ADAMTSL3: variants seen among roughly 807,000 people sequenced by gnomAD.
The protein encoded by ADAMTSL3 is ADAMTS like 3.
Under a neutral mutation model 201.7 loss-of-function variants are expected in ADAMTSL3, and 128 were observed. The ratio of observed to expected loss-of-function variants is 0.63; its 90% CI spans 0.55 to 0.73. ADAMTSL3 has a LOEUF of 0.73. Among genes scored for constraint, ADAMTSL3 ranks in the 30% least tolerant of loss-of-function variants. The pLI is 0.00. For synonymous variants in ADAMTSL3, 738 were observed against 748.4 expected (o/e 0.99, Z 0.23); for missense variants, 1,990 against 2,119.6 (o/e 0.94, Z 1.20).
At chr15:83,835,949 T>G (rs2064261170) in intron 6 of ADAMTSL3, among the ~76,000 whole-genome samples, 1 of 152,232 alleles carries the variant, frequency 6.6e-6, no homozygotes, top group South Asian at 2.1e-4. Flanking sequence ...TGGCAAATCA[T>G]TTACTCAGTA....
At chr15:83,786,565 GT>G (rs1368627024) in intron 4 of ADAMTSL3, among the ~76,000 whole-genome samples, 1 of 151,794 alleles carries the variant, frequency 6.6e-6, no homozygotes, top group Non-Finnish European at 1.5e-5. Flanking sequence ...ATTGAACTAT[GT>G]TTTTGTACCC....
chr15:83,664,294 G>A (rs1315706179), intron 2 of ADAMTSL3, among the ~76,000 whole-genome samples: 1 of 150,102 alleles, frequency 6.7e-6, no homozygotes. Flanking sequence ...TTAACTCAAG[G>A]TTCCCTCCAA....
In ADAMTSL3 at chr15:83,982,561, G is replaced by A; in HGVS notation, c.2933G>A (p.Gly978Asp). ...CATGGTCTTGCTGCCCCCGACATCG[G>A]CGTGTACCGGTGCATTGCAGGCTCT... ...KIHGLAAPDI[G>D]VYRCIAGSAQ... Residue 978 changes from glycine to aspartate, a missense_variant, in exon 21 of 30, where the codon GGC (glycine) becomes GAC (aspartate). Transcript: ENST00000286744. 6.2e-7 allele frequency: 1 copy of A among 1,614,196 alleles called. No homozygotes were observed. The highest frequency in any genetic ancestry group is 1.3e-5 in the African/African-American group (1 of 75,042).
intron 4 of ADAMTSL3, among the ~76,000 whole-genome samples, chr15:83,777,467 C>T (rs936147002): frequency 3.9e-4 from 60 of 152,264 alleles, no homozygotes; most frequent in African/African-American, 1.3e-3. Context: ...ACAAGTACCC[C>T]AGAATTAGAA....
At chr15:83,805,902 C>T (rs1403366397) in intron 5 of ADAMTSL3, among the ~76,000 whole-genome samples, 1 of 152,224 alleles carries the variant, frequency 6.6e-6, no homozygotes. Context: ...CCTATTACCA[C>T]TGCAGACACA....
intron 16 of ADAMTSL3, among the ~76,000 whole-genome samples, chr15:83,918,511 G>A (rs577458979): frequency 5.9e-5 from 9 of 152,216 alleles, no homozygotes; most frequent in Non-Finnish European, 1.3e-4. Flanking sequence ...CTAAACAAAA[G>A]GGGGTTTGGA....
At chr15:83,994,910 C>G (rs907399260) in intron 23 of ADAMTSL3, among the ~76,000 whole-genome samples, 5 of 151,906 alleles carry the variant, frequency 3.3e-5, no homozygotes, top group South Asian at 4.2e-4. Flanking sequence ...GCATCCGGCC[C>G]TGGAAGGAGT....
At chr15:83,947,022 C>G in intron 19 of ADAMTSL3, among the ~76,000 whole-genome samples, 1 of 152,244 alleles carries the variant, frequency 6.6e-6, no homozygotes, top group East Asian at 1.9e-4. Context: ...AGGCACACAA[C>G]CTGTTGCACA....
At chr15:84,008,785 T>G (rs567726979) in intron 23 of ADAMTSL3, among the ~76,000 whole-genome samples, 1 of 152,306 alleles carries the variant, frequency 6.6e-6, no homozygotes, top group South Asian at 2.1e-4. Flanking sequence ...TATTTCAAAC[T>G]TAACATGTCC....
At position 84,014,523 on chromosome 15, in the gene ADAMTSL3, ATTTG is replaced by A. The variant is rs1365464097; in HGVS notation, c.3974-15_3974-12del. ...TTCTTAAAGGAATTGCCTTTGTCAT[ATTTG>A]TTTTTGTTCCAAAGGTGTCCCTCAG... On this transcript the variant is annotated splice_polypyrimidine_tract_variant and intron_variant, in intron 23 of 29. Coordinates refer to ENST00000286744, the MANE Select transcript of ADAMTSL3 (RefSeq NM_207517.3). The A allele has an allele frequency of 6.2e-7, 1 of 1,607,478 alleles. No individual in the cohort carries two copies. Among genetic ancestry groups the A allele is most frequent in the African/African-American group, 1.3e-5 (1 of 74,510 alleles).
At chr15:83,911,379 A>G (rs2065930275) in intron 15 of ADAMTSL3, among the ~76,000 whole-genome samples, 1 of 152,244 alleles carries the variant, frequency 6.6e-6, no homozygotes. Context: ...TTCATTTAAC[A>G]GTCTTCAAGA....
intron 19 of ADAMTSL3, among the ~76,000 whole-genome samples, chr15:83,962,784 G>A (rs1245352254): frequency 1.3e-5 from 2 of 152,218 alleles, no homozygotes; most frequent in African/African-American, 4.8e-5. Context: ...CAACACAGAA[G>A]GCAGGTGATT....
chr15:83,772,507 A>C (rs928708032), intron 3 of ADAMTSL3, among the ~76,000 whole-genome samples: 2 of 152,162 alleles, frequency 1.3e-5, no homozygotes, highest in Non-Finnish European at 2.9e-5. Flanking sequence ...ATTAAACCAA[A>C]CTGTACTCAT....
At chr15:83,865,274 A>C (rs2064950788) in intron 8 of ADAMTSL3, among the ~76,000 whole-genome samples, 1 of 152,210 alleles carries the variant, frequency 6.6e-6, no homozygotes, top group Non-Finnish European at 1.5e-5. Context: ...TTTAAAGTTC[A>C]TATGGAACCA....
At position 83,998,432 on chromosome 15, in the gene ADAMTSL3, G is replaced by C. The variant is rs554171100; in HGVS notation, c.3973+7218G>C. Among the ~76,000 whole-genome samples the C allele has an allele frequency of 8.1e-4, 123 of 152,288 alleles. 1 individual carries two copies. Among genetic ancestry groups the C allele is most frequent in the African/African-American group, 2.9e-3 (119 of 41,558 alleles). The stretch of plus-strand genomic sequence containing the variant: ...CCACTGCACTCCAGCCTGGGCGACA[G>C]AGCGAGACTCCATTTCGAAAAAAGG... On this transcript the variant is annotated intron_variant, in intron 23 of 29. Coordinates refer to ENST00000286744, the MANE Select transcript of ADAMTSL3 (RefSeq NM_207517.3).
At position 83,968,246 on chromosome 15, in the gene ADAMTSL3, A is replaced by G. The variant is rs1287092674; in HGVS notation, c.2491-2238A>G. ...GAAACTATCATCAGACTAACAGGCA[A>G]CCTACAGAATGGGAGAAAAATTTTG... On this transcript the variant is annotated intron_variant, in intron 19 of 29. Transcript: ENST00000286744. 2.6e-5 allele frequency among the ~76,000 whole-genome samples: 4 copies of G among 152,346 alleles called. No homozygotes were observed. In the East Asian group the frequency reaches 7.7e-4, roughly 29 times the overall value.
At chr15:84,013,004 A>G (rs1454475300) in intron 23 of ADAMTSL3, among the ~76,000 whole-genome samples, 1 of 152,190 alleles carries the variant, frequency 6.6e-6, no homozygotes, top group Non-Finnish European at 1.5e-5. Flanking sequence ...TGCTCCCCCT[A>G]TGCATTTCCA....
intron 2 of ADAMTSL3, among the ~76,000 whole-genome samples, chr15:83,677,068 G>T (rs2061416402): frequency 6.6e-6 from 1 of 152,206 alleles, no homozygotes; most frequent in Admixed American, 6.5e-5. Flanking sequence ...CTTTCCCAGT[G>T]TTTGGAAATT....
chr15:83,791,752 C>T (rs558741701), intron 4 of ADAMTSL3, among the ~76,000 whole-genome samples: 100 of 151,292 alleles, frequency 6.6e-4, no homozygotes, highest in African/African-American at 1.7e-3. Context: ...CCCAGCTACT[C>T]GGGAGGCTGA....
Sources: allele counts gnomAD v4.1 joint callset (sites outside exome capture counted in the v4.1 genomes callset), GRCh38; gene constraint gnomAD v4.1.1; transcripts MANE v1.5; gene names NCBI Gene and HGNC (gene_info 2026-07-23, HGNC 2026-07-21).